NIN: variants seen among roughly 807,000 people sequenced by gnomAD.
NIN encodes ninein.
A neutral mutation model predicts 257.6 loss-of-function variants in NIN; 137 were observed. That is an observed-to-expected ratio of 0.53 (90% CI 0.46 to 0.61). The LOEUF is 0.61. NIN is among the 20% of genes least tolerant of loss of function. NIN has a pLI of 0.00. For missense variants in NIN, 2,439 were observed against 2,501.2 expected (o/e 0.98, Z 0.53); for synonymous variants, 918 against 919.8 (o/e 1.00, Z 0.04).
chr14:50,756,475 G>A lies in NIN; in HGVS notation c.4538+17C>T, dbSNP rs950602237. The stretch of plus-strand genomic sequence containing the variant: ...TGCTCTGTGGGATTCGTGACGTCTA[G>A]AAGGTACATACATTACCTCAGAAGT... On this transcript the variant is annotated intron_variant, in intron 18 of 30. Transcript: ENST00000530997. 1.3e-5 allele frequency: 21 copies of A among 1,568,330 alleles called. No individual in the cohort carries two copies. The highest frequency in any genetic ancestry group is 1.7e-5 in the Non-Finnish European group (20 of 1,161,142).
chr14:50,767,946 GTA>G (rs556594212), intron 12 of NIN, among the ~76,000 whole-genome samples: 1 of 151,146 alleles, frequency 6.6e-6, no homozygotes, highest in Admixed American at 6.6e-5. Flanking sequence ...CTCATAATTT[GTA>G]TATGTTTATA....
rs760837599 is a variant in NIN at position 50,822,035 on chromosome 14, G to C, written c.22C>G (p.Gln8Glu). 1 of 1,613,716 alleles carries C rather than the reference G, an allele frequency of 6.2e-7. No homozygotes were observed. Among genetic ancestry groups the C allele is most frequent in the Non-Finnish European group, 8.5e-7 (1 of 1,179,722 alleles). Residue 8 changes from glutamine to glutamate, a missense_variant, in exon 3 of 31, where the codon CAG becomes GAG. Gln to Glu is a conservative substitution (Grantham distance 29). Around this residue, in one of 3 missense-constraint regions of NIN, gnomAD observed 387 missense variants for 427.3 expected, o/e 0.91. Transcript: ENST00000530997. ...AGCTCCTTGAGTCGGGCCTCATGCT[G>C]GTCCTGCTCCACCTCATCCATCCCA... Reference protein sequence around the residue: MDEVEQDQHEARLKELFD... With the variant: MDEVEQDEHEARLKELFD...
At chr14:50,772,261 TTC>T in intron 9 of NIN, 38 bp downstream of exon 9, 1 of 1,545,578 alleles carries the variant, frequency 6.5e-7, no homozygotes, top group Non-Finnish European at 8.8e-7. Context: ...TTTTCAACCC[TTC>T]TCCAGTTTGT....
rs775394838 is a variant in NIN at position 50,771,389 on chromosome 14, T to G, written c.1061A>C (p.Lys354Thr). Residue 354 changes from lysine (K) to threonine (T), a missense_variant, in exon 10 of 31, where the codon AAG becomes ACG. This residue lies in a region of NIN where 9 missense variants were observed against 23.7 expected (regional missense o/e 0.38). Transcript: ENST00000530997. ...CAGAGCCGCCTGGTGAATGCTGTTC[T>G]TGGTAACCAAAAGTTCATTTTCAAG... is the stretch of plus-strand genomic sequence containing the variant. ...LALENELLVTKNSIHQAALAS... is the reference protein window; with the variant it reads ...LALENELLVTTNSIHQAALAS... 8.1e-6 allele frequency: 13 copies of G among 1,614,122 alleles called. No individual in the cohort carries two copies. In the Admixed American group the frequency reaches 2.0e-4, roughly 25 times the overall value.
intron 3 of NIN, among the ~76,000 whole-genome samples, chr14:50,821,636 A>T (rs1411720572): frequency 6.6e-6 from 1 of 152,232 alleles, no homozygotes; most frequent in South Asian, 2.1e-4. Flanking sequence ...ACATCCTTTC[A>T]TTGCCTCTTT....
intron 17 of NIN, among the ~76,000 whole-genome samples, chr14:50,759,335 C>T (rs189618855): frequency 1.7e-4 from 26 of 152,332 alleles, no homozygotes; most frequent in Admixed American, 1.4e-3. Flanking sequence ...GGAATACTTT[C>T]CTCTTTTACA....
chr14:50,747,632 G>A (rs1211557220), intron 22 of NIN, among the ~76,000 whole-genome samples: 2 of 151,992 alleles, frequency 1.3e-5, no homozygotes, highest in Non-Finnish European at 2.9e-5. Flanking sequence ...TACTCGGGGG[G>A]CTGAGGCATG....
chr14:50,795,518 C>A (rs368925322), intron 4 of NIN, among the ~76,000 whole-genome samples: 2 of 152,164 alleles, frequency 1.3e-5, no homozygotes, highest in African/African-American at 4.8e-5. Context: ...ACACTCTTAC[C>A]CACTCAAGTT....
intron 4 of NIN, among the ~76,000 whole-genome samples, chr14:50,805,136 G>A (rs1476728592): frequency 2.6e-5 from 4 of 152,204 alleles, no homozygotes. Context: ...CACATTATCA[G>A]CACACAGAAC....
intron 4 of NIN, among the ~76,000 whole-genome samples, chr14:50,803,748 G>A: frequency 6.6e-6 from 1 of 152,148 alleles, no homozygotes. Context: ...TATGATTTAA[G>A]GGATAGTTAC....
intron 14 of NIN, among the ~76,000 whole-genome samples, chr14:50,764,646 A>G (rs1358453218): frequency 6.6e-6 from 1 of 152,320 alleles, no homozygotes; most frequent in East Asian, 1.9e-4. Context: ...CAAGAAATGA[A>G]GAACTGATAC....
chr14:50,816,680 C>A lies in NIN; in HGVS notation c.183+5194G>T, dbSNP rs375299201. 1.5e-3 allele frequency among the ~76,000 whole-genome samples: 221 copies of A among 152,256 alleles called. 5 individuals carry two copies. The South Asian group carries it at 0.043, about 29-fold the overall frequency. ...AAAATCTGAGACAGACACTGAAGAA[C>A]TTTAAGTCCCCTCTGTCCAGACAGG... On this transcript the variant is annotated intron_variant, in intron 3 of 30. Coordinates refer to ENST00000530997, the MANE Select transcript of NIN (RefSeq NM_020921.4).
intron 27 of NIN, among the ~76,000 whole-genome samples, chr14:50,737,853 G>A (rs955612378): frequency 1.3e-5 from 2 of 151,908 alleles, no homozygotes; most frequent in African/African-American, 2.4e-5. Flanking sequence ...TACCGTATTG[G>A]TCAGGCTGGT....
chr14:50,768,352 T>C (rs761505043), intron 12 of NIN, among the ~76,000 whole-genome samples: 15 of 152,210 alleles, frequency 9.9e-5, no homozygotes, highest in Non-Finnish European at 1.0e-4. Flanking sequence ...TAGAACAACA[T>C]AGAGTAATCT....
chr14:50,727,161 C>CAA, intron 29 of NIN: 1 of 642,364 alleles, frequency 1.6e-6, no homozygotes, highest in East Asian at 1.1e-4. Flanking sequence ...CAAAGCAAAA[C>CAA]AAAAAAAAAG....
chr14:50,819,304 AC>A (rs2045085003), intron 3 of NIN, among the ~76,000 whole-genome samples: 2 of 152,146 alleles, frequency 1.3e-5, no homozygotes, highest in African/African-American at 4.8e-5. Flanking sequence ...CTGTGTCCCC[AC>A]CCAAATGTCA....
At chr14:50,794,599 A>T (rs1193491407) in intron 4 of NIN, 16 of 254,332 alleles carry the variant, frequency 6.3e-5, no homozygotes, top group Non-Finnish European at 8.7e-5. Flanking sequence ...GCAGACAACA[A>T]GATACACCAT....
chr14:50,769,430 G>A (rs953019568), intron 12 of NIN, among the ~76,000 whole-genome samples: 1 of 152,190 alleles, frequency 6.6e-6, no homozygotes, highest in African/African-American at 2.4e-5. Context: ...TGGAGGCCGA[G>A]GTGGGAGGAT....
chr14:50,758,769 T>C (rs2140839539), intron 17 of NIN, 139 bp from the exon 18 acceptor site: 2 of 699,502 alleles, frequency 2.9e-6, no homozygotes, highest in South Asian at 4.7e-5. Context: ...CTTACTCCTA[T>C]GTGATTCATT....
Sources: allele counts gnomAD v4.1 joint callset (sites outside exome capture counted in the v4.1 genomes callset), GRCh38; gene constraint gnomAD v4.1.1; regional missense constraint gnomAD v4.1.1; transcripts MANE v1.5; gene names NCBI Gene and HGNC (gene_info 2026-07-23, HGNC 2026-07-21).